Variants in TYW1 observed in about 807,000 individuals in gnomAD.
The protein encoded by TYW1 is S-adenosyl-L-methionine-dependent tRNA 4-demethylwyosine synthase TYW1.
TYW1 carries 46 observed loss-of-function variants against 96.2 expected under a neutral mutation model. That is an observed-to-expected ratio of 0.48 (90% confidence interval 0.38 to 0.61). The LOEUF is 0.61. TYW1 is among the 20% of genes least tolerant of loss of function. The pLI is 0.00. For synonymous variants in TYW1, 274 were observed against 323.0 expected, an observed-to-expected ratio of 0.85 and a Z score of 1.63; for missense variants, 684 against 909.6, an observed-to-expected ratio of 0.75 and a Z score of 3.19.
chr7:67,200,882 A>T (rs1800577020), intron 15 of TYW1, among the ~76,000 whole-genome samples: 1 of 152,200 alleles, frequency 6.6e-6, no homozygotes. Flanking sequence ...CAGAGGTCCA[A>T]GGAAAAGCAC....
intron 13 of TYW1, among the ~76,000 whole-genome samples, chr7:67,138,420 T>C (rs12536460): frequency 0.05 from 7,556 of 151,664 alleles, 248 homozygotes; most frequent in Middle Eastern, 0.11. Flanking sequence ...GTAATCATTA[T>C]GTGATAGAAA....
At chr7:67,180,424 A>ATATATATATATATATATATATATT (rs1341437613) in intron 13 of TYW1, among the ~76,000 whole-genome samples, 14 of 81,920 alleles carry the variant, frequency 1.7e-4, no homozygotes, top group Non-Finnish European at 3.3e-4. Context: ...ATATATATAT[A>ATATATATATATATATATATATATT]ATTTTTTTTT....
intron 15 of TYW1, among the ~76,000 whole-genome samples, chr7:67,216,641 C>T (rs1445996636): frequency 1.6e-4 from 22 of 141,774 alleles, no homozygotes; most frequent in Non-Finnish European, 3.4e-4. Context: ...ATTTTTCTAT[C>T]TTGAGTTGAT....
At chr7:67,181,222 C>T (rs1301434116) in intron 13 of TYW1, among the ~76,000 whole-genome samples, 3 of 151,910 alleles carry the variant, frequency 2.0e-5, no homozygotes, top group Non-Finnish European at 1.5e-5. Flanking sequence ...TTTTGCATTC[C>T]CGGAATTTTT....
chr7:67,158,609 G>A (rs1215630285), intron 13 of TYW1, among the ~76,000 whole-genome samples: 6 of 151,798 alleles, frequency 4.0e-5, no homozygotes, highest in Admixed American at 1.3e-4. Flanking sequence ...TTGCTCTGTC[G>A]CCCAGGCTGG....
At chr7:67,236,325 T>A (rs568541074) in intron 15 of TYW1, among the ~76,000 whole-genome samples, 1 of 152,194 alleles carries the variant, frequency 6.6e-6, no homozygotes, top group East Asian at 1.9e-4. Context: ...CTGTGGGAAG[T>A]TGAGAGAAGC....
chr7:67,235,367 A>G (rs1195443687), intron 15 of TYW1, among the ~76,000 whole-genome samples: 6 of 152,154 alleles, frequency 3.9e-5, no homozygotes, highest in Non-Finnish European at 8.8e-5. Context: ...TGATGGATGG[A>G]TCATGATTTT....
chr7:67,074,071 C>CA (rs756494903), intron 10 of TYW1, among the ~76,000 whole-genome samples: 28,863 of 83,376 alleles, frequency 0.35, 3,414 homozygotes, highest in African/African-American at 0.4. Flanking sequence ...TACTCCATCT[C>CA]AAAAAAAAAA....
At chr7:67,232,306 G>T (rs11764349) in intron 15 of TYW1, among the ~76,000 whole-genome samples, 40,298 of 150,864 alleles carry the variant, frequency 0.27, 5,735 homozygotes, top group African/African-American at 0.36. Context: ...ATGGTCATTG[G>T]TTATATGCTT....
intron 13 of TYW1, among the ~76,000 whole-genome samples, chr7:67,145,772 T>G (rs1798590638): frequency 6.6e-6 from 1 of 152,108 alleles, no homozygotes. Flanking sequence ...GGGGTTTTTT[T>G]GAGACAGGGT....
At chr7:67,222,372 C>A (rs1801420783) in intron 15 of TYW1, among the ~76,000 whole-genome samples, 1 of 152,190 alleles carries the variant, frequency 6.6e-6, no homozygotes. Flanking sequence ...GCATTTCTTA[C>A]AGGGAAGATC....
At chr7:67,107,874 CTTTT>C (rs1027528139) in intron 12 of TYW1, among the ~76,000 whole-genome samples, 1 of 121,486 alleles carries the variant, frequency 8.2e-6, no homozygotes, top group Non-Finnish European at 1.7e-5. Flanking sequence ...CCAAGATGGA[CTTTT>C]TTTTTTTTTT....
chr7:67,204,079 G>T (rs192296900), intron 15 of TYW1, among the ~76,000 whole-genome samples: 2,501 of 146,720 alleles, frequency 0.017, 34 homozygotes, highest in Admixed American at 0.046. Context: ...AGGTTGCCTT[G>T]GACTGGATTT....
At chr7:67,136,369 C>T (rs548086118) in intron 13 of TYW1, among the ~76,000 whole-genome samples, 14 of 152,058 alleles carry the variant, frequency 9.2e-5, no homozygotes, top group Admixed American at 4.6e-4. Context: ...CATGGGTTAG[C>T]GTATGAAACT....
At chr7:67,210,919 A>ACCATCCATCCATCCATCCATCCAT (rs57804156) in intron 15 of TYW1, among the ~76,000 whole-genome samples, 2 of 130,184 alleles carry the variant, frequency 1.5e-5, no homozygotes, top group African/African-American at 5.8e-5. Context: ...CATCTATCCA[A>ACCATCCATCCATCCATCCATCCAT]CCATCCATCC....
At chr7:67,032,999 C>G (rs1011689849) in intron 7 of TYW1, among the ~76,000 whole-genome samples, 2 of 144,372 alleles carry the variant, frequency 1.4e-5, no homozygotes, top group African/African-American at 5.1e-5. Flanking sequence ...CAGGTTCAAG[C>G]GATTGTCCTG....
intron 12 of TYW1, among the ~76,000 whole-genome samples, chr7:67,104,288 C>T (rs1247324144): frequency 6.6e-5 from 10 of 152,116 alleles, no homozygotes; most frequent in Non-Finnish European, 1.5e-4. Context: ...CACAGTTCTG[C>T]GGGCTGTACA....
chr7:67,096,164 C>A (rs968893136), intron 11 of TYW1, among the ~76,000 whole-genome samples: 22 of 152,124 alleles, frequency 1.4e-4, no homozygotes, highest in Admixed American at 5.9e-4. Flanking sequence ...CCGAGGCGGG[C>A]AGATCACGAG....
intron 7 of TYW1, among the ~76,000 whole-genome samples, chr7:67,028,366 G>A (rs1196848850): frequency 2.0e-5 from 3 of 152,136 alleles, no homozygotes; most frequent in Admixed American, 2.0e-4. Flanking sequence ...TGACCAACAT[G>A]GTGAAACCCC....
Sources: allele counts gnomAD v4.1 joint callset (sites outside exome capture counted in the v4.1 genomes callset), GRCh38; gene constraint gnomAD v4.1.1; transcripts MANE v1.5; gene names NCBI Gene and HGNC (gene_info 2026-07-23, HGNC 2026-07-21).